The following FGR variants were observed in gnomAD, a reference collection of about 807,000 sequenced individuals.
FGR encodes FGR proto-oncogene, Src family tyrosine kinase.
In FGR, 26 loss-of-function variants were observed where a neutral mutation model predicts 63.2. The ratio of observed to expected loss-of-function variants is 0.41; its 90% CI spans 0.30 to 0.57. The LOEUF (loss-of-function observed/expected upper bound fraction) is 0.57. Among genes scored for constraint, FGR ranks in the 20% least tolerant of loss-of-function variants. The pLI is 0.27. For missense variants in FGR, 511 were observed against 690.8 expected, an observed-to-expected ratio of 0.74 and a Z score of 2.92; for synonymous variants, 286 against 277.7, an observed-to-expected ratio of 1.03 and a Z score of -0.30.
rs542482063 is a variant in FGR, at chr1:27,615,799, A to T, written c.728T>A (p.Ile243Asn). 1 of 1,600,746 alleles carries T rather than the reference A, an allele frequency of 6.2e-7. No individual in the cohort carries two copies. The highest frequency in any genetic ancestry group is 1.1e-5 in the South Asian group (1 of 88,922). Reference protein sequence around the residue: ...LCNLLIAPCTIMKPQTLGLAK... With the variant: ...LCNLLIAPCTNMKPQTLGLAK... Reference sequence around the variant, plus strand: ...CAGGCCCAGCGTCTGCGGCTTCATGATGGTGCAGGGCGCGATGAGCAGGTT... The same window carrying T: ...CAGGCCCAGCGTCTGCGGCTTCATGTTGGTGCAGGGCGCGATGAGCAGGTT... Residue 243 changes from isoleucine to asparagine, a missense_variant, in exon 8 of 13, where the codon ATC (isoleucine) becomes AAC (asparagine). Transcript: ENST00000374005. This position sits in a 1 kb window ranked among gnomAD's most constrained non-coding sequence, Gnocchi z 7.6.
intron 1 of FGR, among the ~76,000 whole-genome samples, chr1:27,630,046 T>C (rs1255081328): frequency 6.6e-6 from 1 of 151,176 alleles, no homozygotes; most frequent in Non-Finnish European, 1.5e-5. Context: ...GAAAACATTA[T>C]GAGATTTTTT....
Position 27,623,825 on chromosome 1 carries a change from G to A in FGR, c.92C>T (p.Ala31Val). ...AGTGGGGTCAGGCCCATAGTGGTCT[G>A]CTGCCCCGTAGCTTCTGAAGTCCCC... The part of the protein sequence containing the change: ...LEGDFRSYGA[A>V]DHYGPDPTKA... Residue 31 changes from alanine to valine, a missense_variant, in exon 3 of 13, where the codon GCA becomes GTA. Transcript: ENST00000374005. The A allele has an allele frequency of 6.2e-7, 1 of 1,614,216 alleles. No homozygotes were observed. Among genetic ancestry groups the A allele is most frequent in the Non-Finnish European group, 8.5e-7 (1 of 1,180,030 alleles).
intron 2 of FGR, among the ~76,000 whole-genome samples, chr1:27,624,686 T>C (rs1361051142): frequency 1.3e-5 from 2 of 152,148 alleles, no homozygotes; most frequent in Admixed American, 6.5e-5. Context: ...CGTGTTTGTG[T>C]GCATGTGTTT....
intron 4 of FGR, among the ~76,000 whole-genome samples, chr1:27,622,584 C>T (rs914307522): frequency 6.6e-6 from 1 of 152,096 alleles, no homozygotes; most frequent in Non-Finnish European, 1.5e-5. Flanking sequence ...CAGCTCACTG[C>T]AACCTCTGCC....
At chr1:27,629,058 A>T (rs1443725769) in intron 1 of FGR, among the ~76,000 whole-genome samples, 1 of 152,138 alleles carries the variant, frequency 6.6e-6, no homozygotes, top group Non-Finnish European at 1.5e-5. Context: ...AGACAGAAAA[A>T]GGAGAGGCAG....
chr1:27,615,825 G>A lies in FGR; in HGVS notation c.702C>T (p.Cys234=). ...TGGTGCAGGGCGCGATGAGCAGGTT[G>A]CACAGCCCGTCATTCACCTCTAGGG... The part of the protein sequence containing the change: ...QHYMEVNDGL[C]NLLIAPCTIM... The change falls in exon 8 of 13, where the codon TGC becomes TGT. Residue 234 remains cysteine, a synonymous_variant. Transcript: ENST00000374005. The surrounding 1 kb of genome is among the most constrained non-coding windows in gnomAD (Gnocchi z 7.6). 1 of 1,594,344 alleles carries A rather than the reference G, an allele frequency of 6.3e-7. No homozygotes were observed.
rs1368727806 is a variant in FGR, at chr1:27,623,162, C to T, written c.227-18G>A. 6.3e-7 allele frequency: 1 copy of T among 1,588,722 alleles called. No homozygotes were observed. Among genetic ancestry groups the T allele is most frequent in the Non-Finnish European group, 8.6e-7 (1 of 1,157,016 alleles). On this transcript the variant is annotated intron_variant, in intron 3 of 12. Coordinates refer to ENST00000374005, the MANE Select transcript of FGR (RefSeq NM_005248.3). ...CCCAATCCCTGCAGAGTCAGGGCTA[C>T]TCAGCAGGGTAGGGCATGGGGCAGA...
In FGR at chr1:27,623,443, T is replaced by C. The variant is rs1022724389; in HGVS notation, c.226+248A>G. On this transcript the variant is annotated intron_variant, in intron 3 of 12. Transcript: ENST00000374005. Reference sequence around the variant, plus strand: ...CCTAAAAGGGCAAGAAGTTTCTCTTTGTCACTTGCATCTGTCACAGGATCC... The same window carrying C: ...CCTAAAAGGGCAAGAAGTTTCTCTTCGTCACTTGCATCTGTCACAGGATCC... 9 of 601,056 alleles carry C rather than the reference T, an allele frequency of 1.5e-5. No individual in the cohort carries two copies. The African/African-American group carries it at 1.7e-4, about 11-fold the overall frequency. The allele number at this position is 601,056 out of a possible 1,614,324, so 37.2% of individuals were successfully genotyped here.
chr1:27,629,714 C>T (rs540828184), intron 1 of FGR, among the ~76,000 whole-genome samples: 94 of 152,314 alleles, frequency 6.2e-4, no homozygotes, highest in Non-Finnish European at 1.3e-3. Context: ...AACAGTTACA[C>T]AGTGACTAGC....
chr1:27,616,749 G>A lies in FGR; in HGVS notation c.682+108C>T, dbSNP rs947284674. 59 of 1,256,936 alleles carry A rather than the reference G, an allele frequency of 4.7e-5. No homozygotes were observed. The highest frequency in any genetic ancestry group is 3.0e-4 in the East Asian group (13 of 42,722). 77.9% of individuals were successfully genotyped at this position (1,256,936 alleles called of 1,614,324 possible). ...ACCCCATCCTTGGGTTCTGGTTTCC[G>A]TCTGGCCAATACTGCTTGGTAGTCC... On this transcript the variant is annotated intron_variant, in intron 7 of 12. Transcript: ENST00000374005. The surrounding 1 kb of genome is among the most constrained non-coding windows in gnomAD (Gnocchi z 4.3).
intron 4 of FGR, 151 bp from the exon 5 acceptor site, chr1:27,621,808 C>T: frequency 1.6e-6 from 1 of 637,856 alleles, no homozygotes; most frequent in Non-Finnish European, 2.9e-6. Context: ...CCGCTCTGCC[C>T]CAGCCACTGC....
intron 3 of FGR, 177 bp from the exon 4 acceptor site, chr1:27,623,321 A>G: frequency 1.6e-6 from 1 of 608,200 alleles, no homozygotes; most frequent in Non-Finnish European, 2.9e-6. Context: ...AGCTTAGGAC[A>G]CACAACTTCA....
At position 27,616,761 on chromosome 1, in the gene FGR, C is replaced by A; in HGVS notation, c.682+96G>T. 7.2e-7 allele frequency: 1 copy of A among 1,389,896 alleles called. No individual in the cohort carries two copies. The highest frequency in any genetic ancestry group is 1.0e-6 in the Non-Finnish European group (1 of 987,944). The allele number at this position is 1,389,896 out of a possible 1,614,324, so 86.1% of individuals were successfully genotyped here. On this transcript the variant is annotated intron_variant, in intron 7 of 12. Transcript: ENST00000374005. This position sits in a 1 kb window ranked among gnomAD's most constrained non-coding sequence, Gnocchi z 4.3. ...GGTTCTGGTTTCCGTCTGGCCAATA[C>A]TGCTTGGTAGTCCCTTCCCTTCTCT... is the stretch of plus-strand genomic sequence containing the variant.
chr1:27,627,338 C>T (rs1342025387), intron 1 of FGR, among the ~76,000 whole-genome samples: 2 of 152,126 alleles, frequency 1.3e-5, no homozygotes, highest in South Asian at 2.1e-4. Flanking sequence ...GCACAGGCTC[C>T]AGGCTCCTCT....
Position 27,615,053 on chromosome 1 carries a change from C to A in FGR, c.1019-127G>T. 2 of 705,444 alleles carry A rather than the reference C, an allele frequency of 2.8e-6. No individual in the cohort carries two copies. The highest frequency in any genetic ancestry group is 3.3e-5 in the South Asian group (2 of 60,050). The allele number at this position is 705,444 out of a possible 1,614,324, so 43.7% of individuals were successfully genotyped here. A position where few individuals can be genotyped will look rare whatever the true frequency, so the allele number is the denominator to read the frequency against. On this transcript the variant is annotated intron_variant, in intron 9 of 12. Transcript: ENST00000374005. This position sits in a 1 kb window ranked among gnomAD's most constrained non-coding sequence, Gnocchi z 7.6. ...CCCCTCACTTAGGACCCCGCGGGTG[C>A]CTCAACCCCTCACTTGTCTCGTCCT...
In FGR at chr1:27,616,990, G is replaced by A. The variant is rs2089825284; in HGVS notation, c.549C>T (p.Ser183=). 1.9e-6 allele frequency: 3 copies of A among 1,614,056 alleles called. No individual in the cohort carries two copies. Among genetic ancestry groups the A allele is most frequent in the African/African-American group, 1.3e-5 (1 of 74,940 alleles). Residue 183 remains serine (S), a synonymous_variant, in exon 7 of 13, where the codon TCC becomes TCT. Coordinates refer to ENST00000374005, the MANE Select transcript of FGR (RefSeq NM_005248.3). This position sits in a 1 kb window ranked among gnomAD's most constrained non-coding sequence, Gnocchi z 4.3. ...CTCTGGTCTGATCCCAGTCCCGGAT[G>A]GACAGGGAGTAGGCACCTGTGGAGA... ...SETTKGAYSL[S]IRDWDQTRGD...
chr1:27,613,134 GTC>G lies in FGR; in HGVS notation c.1382-14_1382-13del, dbSNP rs767056678. 2 of 1,612,760 alleles carry G rather than the reference GTC, an allele frequency of 1.2e-6. No homozygotes were observed. The highest frequency in any genetic ancestry group is 1.7e-6 in the Non-Finnish European group (2 of 1,178,876). ...CCGTTTATTCATGCCTGAAGGATGG[GTC>G]TCTGTCAGTCAAAGGGACAGCCAGG... On this transcript the variant is annotated splice_polypyrimidine_tract_variant and intron_variant, in intron 12 of 12. Transcript: ENST00000374005.
At chr1:27,620,120 C>T (rs1283370238) in intron 5 of FGR, among the ~76,000 whole-genome samples, 1 of 151,950 alleles carries the variant, frequency 6.6e-6, no homozygotes, top group Non-Finnish European at 1.5e-5. Flanking sequence ...AGTTTGAGAC[C>T]AGCCTGGCCA....
chr1:27,613,456 A>C, intron 11 of FGR, 106 bp from the exon 12 acceptor site: 1 of 1,307,994 alleles, frequency 7.6e-7, no homozygotes, highest in Middle Eastern at 2.0e-4. Context: ...TAATCCCAGC[A>C]CTTTGGGAGG....
Sources: allele counts gnomAD v4.1 joint callset (sites outside exome capture counted in the v4.1 genomes callset), GRCh38; gene constraint gnomAD v4.1.1; non-coding constraint Gnocchi (gnomAD v3.1); transcripts MANE v1.5; gene names NCBI Gene and HGNC (gene_info 2026-07-23, HGNC 2026-07-21).